CPA6: variants seen among roughly 807,000 people sequenced by gnomAD.
CPA6 encodes carboxypeptidase B.
In CPA6, 58 loss-of-function variants were observed where a neutral mutation model predicts 63.3. The observed-to-expected ratio is 0.92, with a 90% CI of 0.74 to 1.14. CPA6 has a LOEUF of 1.14. Among genes scored for constraint, CPA6 ranks in the 50% most tolerant of loss-of-function variants. The pLI, the probability that CPA6 is intolerant of heterozygous loss-of-function variation, is 0.00. For missense variants in CPA6, 565 were observed against 526.6 expected, an observed-to-expected ratio of 1.07 and a Z score of -0.71; for synonymous variants, 185 against 179.0, an observed-to-expected ratio of 1.03 and a Z score of -0.27.
intron 2 of CPA6, among the ~76,000 whole-genome samples, chr8:67,525,546 T>C (rs1167119400): frequency 1.3e-5 from 2 of 152,214 alleles, no homozygotes; most frequent in Non-Finnish European, 2.9e-5. Flanking sequence ...AAACTCTATT[T>C]TGGTGTCCAA....
chr8:67,720,615 C>T (rs1341677302), intron 1 of CPA6, among the ~76,000 whole-genome samples: 1 of 152,204 alleles, frequency 6.6e-6, no homozygotes, highest in South Asian at 2.1e-4. Flanking sequence ...CAGAAAACTG[C>T]GAGGGCCACA....
chr8:67,664,605 T>C (rs1816187851), intron 1 of CPA6, among the ~76,000 whole-genome samples: 1 of 152,122 alleles, frequency 6.6e-6, no homozygotes, highest in Admixed American at 6.5e-5. Flanking sequence ...CCTGCCTTTT[T>C]TTTCTTTTTC....
intron 9 of CPA6, among the ~76,000 whole-genome samples, chr8:67,430,128 T>C (rs978506625): frequency 2.3e-5 from 3 of 128,138 alleles, no homozygotes; most frequent in African/African-American, 7.2e-5. Flanking sequence ...ATGGTATATA[T>C]ATATGTGTGT....
intron 8 of CPA6, among the ~76,000 whole-genome samples, chr8:67,438,092 A>G (rs1810203613): frequency 6.6e-6 from 1 of 152,050 alleles, no homozygotes; most frequent in Admixed American, 6.6e-5. Flanking sequence ...TAGTTTTTGT[A>G]TTTTTAGTAG....
chr8:67,477,635 C>G (rs534177872), intron 8 of CPA6, among the ~76,000 whole-genome samples: 8 of 152,306 alleles, frequency 5.3e-5, no homozygotes, highest in African/African-American at 1.9e-4. Context: ...TCATCACTAA[C>G]AGAGCTGGCA....
At chr8:67,529,833 G>T (rs2128968747) in intron 2 of CPA6, among the ~76,000 whole-genome samples, 1 of 152,248 alleles carries the variant, frequency 6.6e-6, no homozygotes, top group South Asian at 2.1e-4. Flanking sequence ...TCCACTCTTT[G>T]ACAAGTTCTA....
At chr8:67,734,306 T>C (rs1817772860) in intron 1 of CPA6, among the ~76,000 whole-genome samples, 1 of 146,026 alleles carries the variant, frequency 6.8e-6, no homozygotes, top group African/African-American at 2.6e-5. Context: ...AGAATAGTAG[T>C]GTGGAAGGTG....
intron 6 of CPA6, among the ~76,000 whole-genome samples, chr8:67,499,146 G>A (rs1220248054): frequency 6.6e-6 from 1 of 152,158 alleles, no homozygotes; most frequent in Non-Finnish European, 1.5e-5. Context: ...GACATCCACA[G>A]ATCACTCTAC....
Position 67,428,079 on chromosome 8 carries a change from C to G in CPA6, c.1094G>C (p.Arg365Pro). The G allele has an allele frequency of 1.2e-6, 2 of 1,613,240 alleles. No homozygotes were observed. The highest frequency in any genetic ancestry group is 1.7e-6 in the Non-Finnish European group (2 of 1,179,352). The change falls in exon 10 of 11, where the codon CGA (arginine) becomes CCA (proline). Residue 365 changes from arginine (R) to proline (P), a missense_variant. Physicochemically the swap from Arg to Pro is moderately radical, Grantham distance 103. Transcript: ENST00000297770. ...TGTGGAGGCTGGTCCATATCTGTAT[C>G]GTACCCCGTATACTGACTGAAGTGC... The part of the protein sequence containing the change: ...VNALQSVYGV[R>P]YRYGPASTTL...
At chr8:67,443,656 T>C (rs542964913) in intron 8 of CPA6, among the ~76,000 whole-genome samples, 1 of 152,340 alleles carries the variant, frequency 6.6e-6, no homozygotes, top group South Asian at 2.1e-4. Flanking sequence ...TCAATTCACA[T>C]TTCTCTTCCC....
chr8:67,484,272 C>T (rs1811426332), intron 7 of CPA6, among the ~76,000 whole-genome samples: 1 of 151,248 alleles, frequency 6.6e-6, no homozygotes, highest in South Asian at 2.1e-4. Context: ...CGGGGTTTCA[C>T]GGTGTTAGCC....
intron 1 of CPA6, among the ~76,000 whole-genome samples, chr8:67,728,805 A>G (rs1817652650): frequency 6.6e-6 from 1 of 152,234 alleles, no homozygotes; most frequent in African/African-American, 2.4e-5. Flanking sequence ...CATCACTAGT[A>G]AGTGGAAGAA....
intron 1 of CPA6, among the ~76,000 whole-genome samples, chr8:67,686,374 G>T (rs535540760): frequency 6.6e-6 from 1 of 152,274 alleles, no homozygotes; most frequent in Admixed American, 6.5e-5. Context: ...CCATCTGTCA[G>T]TAAATTACTC....
At chr8:67,451,955 G>A (rs1159840811) in intron 8 of CPA6, among the ~76,000 whole-genome samples, 1 of 152,200 alleles carries the variant, frequency 6.6e-6, no homozygotes, top group Non-Finnish European at 1.5e-5. Context: ...TAAGTCCCAA[G>A]TTGTTTGTGT....
At chr8:67,698,876 A>T (rs1816962424) in intron 1 of CPA6, among the ~76,000 whole-genome samples, 1 of 152,186 alleles carries the variant, frequency 6.6e-6, no homozygotes, top group African/African-American at 2.4e-5. Context: ...TACTATTCTG[A>T]GTCTAGTTCC....
rs944447670 is a variant in CPA6, at chr8:67,650,363, G to A, written c.117-26112C>T. On this transcript the variant is annotated intron_variant, in intron 1 of 10. Transcript: ENST00000297770. ...TCAGCGGGGTTCGATCAGGACTCTA[G>A]CTCATTCTCTGCAGTTCTCTTAGCT... Among the ~76,000 whole-genome samples, 5 of 152,096 alleles carry A rather than the reference G, an allele frequency of 3.3e-5. No individual in the cohort carries two copies. In the South Asian group the frequency reaches 6.2e-4, roughly 19 times the overall value.
chr8:67,511,409 A>G, intron 4 of CPA6, 132 bp downstream of exon 4: 2 of 636,086 alleles, frequency 3.1e-6, no homozygotes, highest in Non-Finnish European at 2.8e-6. Context: ...AGCTACATAT[A>G]TTCTTCACAT....
intron 2 of CPA6, among the ~76,000 whole-genome samples, chr8:67,545,793 C>G (rs527573537): frequency 9.2e-5 from 14 of 152,172 alleles, no homozygotes; most frequent in African/African-American, 3.4e-4. Flanking sequence ...GAATTCCTGA[C>G]ATTAGGTGAT....
rs528344401 is a variant in CPA6 at position 67,567,223 on chromosome 8, A to G, written c.193-49176T>C. On this transcript the variant is annotated intron_variant, in intron 2 of 10. Transcript: ENST00000297770. The stretch of plus-strand genomic sequence containing the variant: ...GTGCAACTCCTCTCTCTTATGGGAT[A>G]TCAGATACATGGGCCTGGCCAGGGC... 1.0e-3 allele frequency among the ~76,000 whole-genome samples: 155 copies of G among 152,342 alleles called. 1 individual carries two copies. The highest frequency in any genetic ancestry group is 3.7e-3 in the African/African-American group (152 of 41,580).
Sources: allele counts gnomAD v4.1 joint callset (sites outside exome capture counted in the v4.1 genomes callset), GRCh38; gene constraint gnomAD v4.1.1; transcripts MANE v1.5; gene names NCBI Gene and HGNC (gene_info 2026-07-23, HGNC 2026-07-21).